The following MYH6 variants were observed in gnomAD, a reference collection of about 807,000 sequenced individuals.
The protein encoded by MYH6 is myosin heavy chain 6.
A neutral mutation model predicts 223.2 loss-of-function variants in MYH6; 126 were observed. That is an observed-to-expected ratio of 0.56 (90% CI 0.49 to 0.65). The LOEUF is 0.65. MYH6 is among the 30% of genes least tolerant of loss of function. The probability of loss-of-function intolerance (pLI) is 0.00; values close to 1 mark genes in which losing one functional copy is unlikely to be tolerated. For missense variants in MYH6, 2,040 were observed against 2,536.4 expected (o/e 0.80, Z 4.20); for synonymous variants, 978 against 1,010.2 (o/e 0.97, Z 0.61).
chr14:23,389,018 C>A lies in MYH6; in HGVS notation c.4016G>T (p.Arg1339Leu), dbSNP rs766238876. The change falls in exon 29 of 39, where the codon CGG (arginine) becomes CTG (leucine). Residue 1339 changes from arginine (R) to leucine (L), a missense_variant. Physicochemically the swap from Arg to Leu is moderately radical, Grantham distance 102. Around this residue, in one of 4 missense-constraint regions of MYH6, gnomAD observed 1,203 missense variants for 1,400.2 expected, o/e 0.86. Coordinates refer to ENST00000405093, the MANE Select transcript of MYH6 (RefSeq NM_002471.4). Reference sequence around the variant, plus strand: ...CTCCCGCAGCAGGTCGCAGTCATGCCGGGCCGACTGCAGTGCATGGGCCAG... The same window carrying A: ...CTCCCGCAGCAGGTCGCAGTCATGCAGGGCCGACTGCAGTGCATGGGCCAG... The part of the protein sequence containing the change: ...NALAHALQSA[R>L]HDCDLLREQY... The A allele has an allele frequency of 2.7e-6, 4 of 1,506,516 alleles. No homozygotes were observed. The highest frequency in any genetic ancestry group is 3.6e-6 in the Non-Finnish European group (4 of 1,114,924). The allele number at this position is 1,506,516 out of a possible 1,614,324, so 93.3% of individuals were successfully genotyped here.
intron 22 of MYH6, 43 bp downstream of exon 22, chr14:23,393,623 T>G (rs765295261): frequency 1.9e-6 from 3 of 1,614,034 alleles, no homozygotes; most frequent in East Asian, 2.2e-5. Flanking sequence ...AGTCTGGGAG[T>G]CTTGAGGAGA....
intron 6 of MYH6, 110 bp downstream of exon 6, chr14:23,404,990 C>T: frequency 6.4e-7 from 1 of 1,557,852 alleles, no homozygotes; most frequent in Non-Finnish European, 8.8e-7. Context: ...GCTCAGTGCC[C>T]CATGCTCCCT....
intron 23 of MYH6, 132 bp downstream of exon 23, chr14:23,393,210 G>A (rs1891290617): frequency 4.1e-6 from 6 of 1,466,430 alleles, no homozygotes; most frequent in Admixed American, 1.8e-5. Flanking sequence ...ACCTACTGTA[G>A]TGAGGAACTA....
At chr14:23,383,341 G>GGGGGGGGGGGGGCCCCCCCCCCCCCCCC in intron 36 of MYH6, 21 bp from the exon 37 acceptor site, 2 of 556,576 alleles carry the variant, frequency 3.6e-6, no homozygotes, top group East Asian at 4.9e-5. Context: ...GAGGGTGGGA[G>GGGGGGGGGGGGGCCCCCCCCCCCCCCCC]AAGCTGGTTT....
rs775234352 is a variant in MYH6, at chr14:23,385,958, G to A, written c.5133C>T (p.Thr1711=). 5.0e-6 allele frequency: 8 copies of A among 1,614,118 alleles called. No homozygotes were observed. In the African/African-American group the frequency reaches 6.7e-5, roughly 13 times the overall value. Residue 1711 remains threonine, a synonymous_variant, in exon 34 of 39, where the codon ACC becomes ACT. Transcript: ENST00000405093. Reference sequence around the variant, plus strand: ...AATGCAGCAGCTGCACCCGCTCGCTGGTCTCAATCAGCTCCTGCTCCGCCA... The same window carrying A: ...AATGCAGCAGCTGCACCCGCTCGCTAGTCTCAATCAGCTCCTGCTCCGCCA... The part of the protein sequence containing the change: ...RKLAEQELIE[T]SERVQLLHSQ...
At position 23,404,832 on chromosome 14, in the gene MYH6, A is replaced by G; in HGVS notation, c.531-10T>C. 2 of 1,610,224 alleles carry G rather than the reference A, an allele frequency of 1.2e-6. No homozygotes were observed. The highest frequency in any genetic ancestry group is 1.7e-6 in the Non-Finnish European group (2 of 1,176,488). ...CGCCCCGGATTCTCCCCTGGGGGCCACAGAGACCAATCAAAACTCAGGATT... is the reference window on the plus strand; with the variant it reads ...CGCCCCGGATTCTCCCCTGGGGGCCGCAGAGACCAATCAAAACTCAGGATT... On this transcript the variant is annotated splice_polypyrimidine_tract_variant and intron_variant, in intron 6 of 38. Coordinates refer to ENST00000405093, the MANE Select transcript of MYH6 (RefSeq NM_002471.4).
chr14:23,403,662 G>T, intron 9 of MYH6, 53 bp downstream of exon 9: 1 of 1,519,170 alleles, frequency 6.6e-7, no homozygotes, highest in Non-Finnish European at 9.1e-7. Flanking sequence ...GCCAGGCAGG[G>T]AGAGAAGGCA....
intron 35 of MYH6, 47 bp from the exon 36 acceptor site, chr14:23,384,764 G>T (rs1355276428): frequency 3.1e-6 from 5 of 1,613,936 alleles, no homozygotes; most frequent in Admixed American, 3.3e-5. Context: ...AGGGGCCGGG[G>T]CCTTTTGCCC....
chr14:23,386,402 G>T lies in MYH6; in HGVS notation c.4872C>A (p.Leu1624=). ...LRVKKKMEGD[L]NEMEIQLSHA... ...GGCTGAGCTGGATCTCCATCTCATT[G>T]AGGTCTCCTTCCATCTTCTTCTTCA... is the stretch of plus-strand genomic sequence containing the variant. The change falls in exon 33 of 39, where the codon CTC becomes CTA. Residue 1624 remains leucine, a synonymous_variant. Transcript: ENST00000405093. 2 of 1,614,130 alleles carry T rather than the reference G, an allele frequency of 1.2e-6. No individual in the cohort carries two copies. The highest frequency in any genetic ancestry group is 2.2e-5 in the South Asian group (2 of 91,088).
At chr14:23,394,351 G>C (rs760238978) in intron 20 of MYH6, 28 bp from the exon 21 acceptor site, 1 of 1,613,866 alleles carries the variant, frequency 6.2e-7, no homozygotes, top group Non-Finnish European at 8.5e-7. Context: ...AGGCAGGGTG[G>C]GGCACTATAA....
At chr14:23,404,177 G>T in intron 8 of MYH6, 119 bp downstream of exon 8, 2 of 1,216,978 alleles carry the variant, frequency 1.6e-6, no homozygotes, top group Non-Finnish European at 2.4e-6. Context: ...TCCCACCAAC[G>T]TGTGCATGTT....
rs1307646035 is a variant in MYH6, at chr14:23,382,548, G to A, written c.5676C>T (p.Asn1892=). 2.5e-6 allele frequency: 4 copies of A among 1,614,068 alleles called. No homozygotes were observed. The highest frequency in any genetic ancestry group is 1.1e-5 in the South Asian group (1 of 91,094). The change falls in exon 38 of 39, where the codon AAC becomes AAT. Residue 1892 remains asparagine, a synonymous_variant. Transcript: ENST00000405093. ...CCTTGCGGAACTTGGACAGGTTGGT[G>A]TTGGCTTGCTCCTCCTGTGGTGGGA... ...RQAEEAEEQA[N]TNLSKFRKVQ...
chr14:23,404,189 A>G, intron 8 of MYH6, 107 bp downstream of exon 8: 1 of 1,329,148 alleles, frequency 7.5e-7, no homozygotes. Flanking sequence ...GTGCATGTTG[A>G]TATCCCAAAG....
chr14:23,386,928 C>T (rs544613877), intron 32 of MYH6, among the ~76,000 whole-genome samples: 1 of 152,194 alleles, frequency 6.6e-6, no homozygotes, highest in East Asian at 1.9e-4. Context: ...TTTTTATAAC[C>T]ACAAATACAA....
At chr14:23,388,433 T>C in intron 29 of MYH6, 95 bp from the exon 30 acceptor site, 2 of 1,556,146 alleles carry the variant, frequency 1.3e-6, no homozygotes, top group Non-Finnish European at 1.8e-6. Context: ...TATATCTCCT[T>C]GAGACACCGT....
At chr14:23,385,175 G>A (rs572634436) in intron 34 of MYH6, 134 bp from the exon 35 acceptor site, 12 of 1,045,312 alleles carry the variant, frequency 1.1e-5, no homozygotes, top group Admixed American at 6.0e-5. Flanking sequence ...ACTATTGATC[G>A]TTTTGTACCT....
chr14:23,383,341 G>GGGGGCCCCCCCCCCCCCC, intron 36 of MYH6, 21 bp from the exon 37 acceptor site: 2 of 556,554 alleles, frequency 3.6e-6, no homozygotes, highest in Non-Finnish European at 6.5e-6. Context: ...GAGGGTGGGA[G>GGGGGCCCCCCCCCCCCCC]AAGCTGGTTT....
intron 28 of MYH6, among the ~76,000 whole-genome samples, 166 bp downstream of exon 28, chr14:23,389,227 A>G (rs73604577): frequency 0.022 from 3,382 of 152,320 alleles, 108 homozygotes; most frequent in African/African-American, 0.077. Flanking sequence ...CCCCTTACGA[A>G]TAAGAAAAGA....
rs1891033870 is a variant in MYH6 at position 23,386,628 on chromosome 14, G to A, written c.4651-5C>T. The A allele has an allele frequency of 6.7e-7, 1 of 1,484,034 alleles. No homozygotes were observed. Among genetic ancestry groups the A allele is most frequent in the Admixed American group, 1.7e-5 (1 of 57,596 alleles). The allele number at this position is 1,484,034 out of a possible 1,614,324, so 91.9% of individuals were successfully genotyped here. A position where few individuals can be genotyped will look rare whatever the true frequency, so the allele number is the denominator to read the frequency against. ...CTCCTCGTGCTCCAGGGAGGCCTGG[G>A]AAGGGGTGGGGCGAGGGCGGGCAGA... On this transcript the variant is annotated splice_polypyrimidine_tract_variant and splice_region_variant and intron_variant, in intron 32 of 38. Coordinates refer to ENST00000405093, the MANE Select transcript of MYH6 (RefSeq NM_002471.4).
Sources: allele counts gnomAD v4.1 joint callset (sites outside exome capture counted in the v4.1 genomes callset), GRCh38; gene constraint gnomAD v4.1.1; regional missense constraint gnomAD v4.1.1; transcripts MANE v1.5; gene names NCBI Gene and HGNC (gene_info 2026-07-23, HGNC 2026-07-21).